Variants in KCNH1 observed in about 807,000 individuals in gnomAD.
The protein encoded by KCNH1 is voltage-gated delayed rectifier potassium channel KCNH1.
In KCNH1, 27 loss-of-function variants were observed where a neutral mutation model predicts 69.2. The observed-to-expected ratio is 0.39, with a 90% confidence interval of 0.29 to 0.54. The LOEUF (loss-of-function observed/expected upper bound fraction) is 0.54. Ranked by LOEUF, KCNH1 falls within the 20% of genes least tolerant of loss-of-function variation. KCNH1 has a pLI of 0.68. For synonymous variants in KCNH1, 456 were observed against 487.7 expected, an observed-to-expected ratio of 0.93 and a Z score of 0.86; for missense variants, 798 against 1,261.6, an observed-to-expected ratio of 0.63 and a Z score of 5.57.
chr1:211,091,130 G>T (rs73073500), intron 3 of KCNH1, among the ~76,000 whole-genome samples: 244 of 152,270 alleles, frequency 1.6e-3, no homozygotes, highest in African/African-American at 5.7e-3. Context: ...AAGGATCCCA[G>T]GGTCAAAATC....
At chr1:211,030,803 G>T (rs949485776) in intron 5 of KCNH1, among the ~76,000 whole-genome samples, 25 of 151,988 alleles carry the variant, frequency 1.6e-4, no homozygotes, top group African/African-American at 6.0e-4. Flanking sequence ...AGGATGAAAT[G>T]AAAATCTATG....
chr1:210,801,426 C>T (rs1273385951), intron 8 of KCNH1, among the ~76,000 whole-genome samples: 1 of 152,182 alleles, frequency 6.6e-6, no homozygotes, highest in East Asian at 1.9e-4. Flanking sequence ...AGCAGCCAGC[C>T]CGCTCTGGGC....
At chr1:210,832,634 G>T (rs1340974079) in intron 7 of KCNH1, among the ~76,000 whole-genome samples, 1 of 152,018 alleles carries the variant, frequency 6.6e-6, no homozygotes, top group Non-Finnish European at 1.5e-5. Context: ...AATGTTCTCT[G>T]CAGGAGAATA....
intron 6 of KCNH1, among the ~76,000 whole-genome samples, chr1:210,964,226 C>T (rs542425656): frequency 7.9e-5 from 12 of 152,242 alleles, no homozygotes; most frequent in South Asian, 4.1e-4. Flanking sequence ...CCTTTACAGA[C>T]GAGCAAATGC....
intron 7 of KCNH1, among the ~76,000 whole-genome samples, chr1:210,904,767 C>G (rs140121647): frequency 4.3e-4 from 66 of 152,280 alleles, no homozygotes; most frequent in African/African-American, 1.6e-3. Context: ...TTGCTATCTG[C>G]CAGGCACCAT....
intron 6 of KCNH1, among the ~76,000 whole-genome samples, chr1:210,943,948 T>C (rs995615041): frequency 3.9e-5 from 6 of 152,220 alleles, no homozygotes; most frequent in African/African-American, 1.2e-4. Flanking sequence ...GCCCAGGGAC[T>C]GGAAGCTGGC....
intron 6 of KCNH1, among the ~76,000 whole-genome samples, chr1:211,002,230 C>T (rs895333302): frequency 1.3e-5 from 2 of 149,088 alleles, no homozygotes; most frequent in African/African-American, 5.0e-5. Flanking sequence ...CATCAATGTT[C>T]AAAATATATA....
At chr1:210,709,994 T>C (rs959907983) in intron 10 of KCNH1, among the ~76,000 whole-genome samples, 5 of 152,218 alleles carry the variant, frequency 3.3e-5, no homozygotes, top group African/African-American at 1.2e-4. Context: ...CAGGAATACA[T>C]TCTGATAAAT....
intron 6 of KCNH1, among the ~76,000 whole-genome samples, chr1:210,945,256 G>A (rs1167662205): frequency 6.6e-6 from 1 of 152,214 alleles, no homozygotes. Flanking sequence ...TCAGGATGCA[G>A]TACTTAACTT....
At chr1:211,082,495 A>T (rs1394277059) in intron 5 of KCNH1, among the ~76,000 whole-genome samples, 1 of 152,198 alleles carries the variant, frequency 6.6e-6, no homozygotes. Flanking sequence ...CTTCATGTAC[A>T]TGAAGCACTT....
intron 1 of KCNH1, chr1:211,108,577 C>T (rs971952277): frequency 6.6e-6 from 1 of 152,092 alleles, no homozygotes; most frequent in Non-Finnish European, 1.5e-5. Context: ...AAAATGATTC[C>T]ACTTCATGCA....
At chr1:210,775,603 C>A (rs1683844724) in intron 9 of KCNH1, 59 bp from the exon 10 acceptor site, 29 of 1,375,462 alleles carry the variant, frequency 2.1e-5, no homozygotes, top group Non-Finnish European at 2.9e-5. Context: ...GCCCATCCAG[C>A]TGGCTTCCCT....
chr1:210,960,359 G>A (rs1019270405), intron 6 of KCNH1, among the ~76,000 whole-genome samples: 17 of 152,094 alleles, frequency 1.1e-4, no homozygotes, highest in African/African-American at 3.9e-4. Context: ...CCACAATCAA[G>A]ATAATGGCAT....
rs771910457 is a variant in KCNH1 at position 210,765,681 on chromosome 1, G to A, written c.2112+9667C>T. Among the ~76,000 whole-genome samples, 7 of 152,128 alleles carry A rather than the reference G, an allele frequency of 4.6e-5. No individual in the cohort carries two copies. The South Asian group carries it at 1.5e-3, about 32-fold the overall frequency. On this transcript the variant is annotated intron_variant, in intron 10 of 10. Transcript: ENST00000271751. ...GGGAGAGAAAAAGAAGGGAAAAGGGGCTATGAAATATATAGGAAAAGCTTC... is the reference window on the plus strand; with the variant it reads ...GGGAGAGAAAAAGAAGGGAAAAGGGACTATGAAATATATAGGAAAAGCTTC...
chr1:211,078,028 T>C (rs1234744894), intron 5 of KCNH1, among the ~76,000 whole-genome samples: 3 of 151,818 alleles, frequency 2.0e-5, no homozygotes. Flanking sequence ...AAGAAGGCCA[T>C]TACATAATGG....
At position 210,853,946 on chromosome 1, in the gene KCNH1, C is replaced by CAAAAAAAAAAAAAAAAAAAAAA. The variant is rs11445997; in HGVS notation, c.1463-49802_1463-49781dup. 4.6e-4 allele frequency among the ~76,000 whole-genome samples: 28 copies of CAAAAAAAAAAAAAAAAAAAAAA among 61,528 alleles called. 1 individual carries two copies. Among genetic ancestry groups the CAAAAAAAAAAAAAAAAAAAAAA allele is most frequent in the African/African-American group, 8.2e-4 (11 of 13,472 alleles). 40.4% of individuals were successfully genotyped at this position (61,528 alleles called of 152,430 possible). ...TAGCAGTAAAAGCATTTATCTAAGC[C>CAAAAAAAAAAAAAAAAAAAAAA]AAAAAAAAAAAAAAAAAAAAAAGAA... On this transcript the variant is annotated intron_variant, in intron 7 of 10. Coordinates refer to ENST00000271751, the MANE Select transcript of KCNH1 (RefSeq NM_172362.3).
chr1:210,754,199 A>G lies in KCNH1; in HGVS notation c.2112+21149T>C, dbSNP rs564594238. ...CTCCCAAAGTGCTGGGATTACAGGCATGAGCCACCGCATCCGGCCCAGACT... is the reference window on the plus strand; with the variant it reads ...CTCCCAAAGTGCTGGGATTACAGGCGTGAGCCACCGCATCCGGCCCAGACT... On this transcript the variant is annotated intron_variant, in intron 10 of 10. Coordinates refer to ENST00000271751, the MANE Select transcript of KCNH1 (RefSeq NM_172362.3). Among the ~76,000 whole-genome samples, 148 of 152,138 alleles carry G rather than the reference A, an allele frequency of 9.7e-4. No homozygotes were observed. The Middle Eastern group carries it at 0.014, about 14-fold the overall frequency.
chr1:210,812,982 C>T (rs1187853527), intron 7 of KCNH1, among the ~76,000 whole-genome samples: 1 of 152,176 alleles, frequency 6.6e-6, no homozygotes, highest in African/African-American at 2.4e-5. Context: ...CTTCTTTTCC[C>T]TCTGTTCCTG....
chr1:211,070,418 TAA>T (rs759773298), intron 5 of KCNH1, among the ~76,000 whole-genome samples: 1,224 of 112,534 alleles, frequency 0.011, 10 homozygotes, highest in East Asian at 0.031. Context: ...ACTCCACCTT[TAA>T]AAAAAAAAAA....
Sources: allele counts gnomAD v4.1 joint callset (sites outside exome capture counted in the v4.1 genomes callset), GRCh38; gene constraint gnomAD v4.1.1; transcripts MANE v1.5; gene names NCBI Gene and HGNC (gene_info 2026-07-23, HGNC 2026-07-21).